Variants in TRPM3 observed in about 807,000 individuals in gnomAD.
TRPM3 encodes transient receptor potential cation channel subfamily M member 3.
Under a neutral mutation model 181.2 loss-of-function variants are expected in TRPM3, and 77 were observed. The observed-to-expected ratio is 0.42, with a 90% CI of 0.35 to 0.51. TRPM3 has a LOEUF of 0.51. TRPM3 is among the 20% of genes least tolerant of loss of function. The probability of loss-of-function intolerance (pLI) is 0.01; values close to 1 mark genes in which losing one functional copy is unlikely to be tolerated. For synonymous variants in TRPM3, 745 were observed against 796.4 expected, an observed-to-expected ratio of 0.94 and a Z score of 1.09; for missense variants, 1,759 against 2,196.7, an observed-to-expected ratio of 0.80 and a Z score of 3.98.
intron 9 of TRPM3, among the ~76,000 whole-genome samples, chr9:70,680,685 A>T (rs2065189308): frequency 6.6e-6 from 1 of 152,178 alleles, no homozygotes; most frequent in Admixed American, 6.5e-5. Context: ...CTAACTCAGA[A>T]CCACATTCAA....
intron 15 of TRPM3, among the ~76,000 whole-genome samples, chr9:70,620,789 C>T (rs2063500434): frequency 6.6e-6 from 1 of 151,908 alleles, no homozygotes; most frequent in Admixed American, 6.6e-5. Context: ...TAATTTATCT[C>T]AAGTTTCTGA....
intron 1 of TRPM3, among the ~76,000 whole-genome samples, chr9:70,887,396 G>C (rs2096108034): frequency 6.6e-6 from 1 of 152,090 alleles, no homozygotes; most frequent in South Asian, 2.1e-4. Flanking sequence ...CTCATCTAAA[G>C]TGTTAATCAA....
intron 1 of TRPM3, among the ~76,000 whole-genome samples, chr9:70,870,237 C>CA (rs2095759404): frequency 2.6e-5 from 4 of 152,042 alleles, no homozygotes; most frequent in Admixed American, 2.6e-4. Context: ...CCTGAGCCAT[C>CA]TTTTTAGCCC....
chr9:70,741,758 C>T (rs1391525923), intron 8 of TRPM3, among the ~76,000 whole-genome samples: 2 of 152,082 alleles, frequency 1.3e-5, no homozygotes, highest in Admixed American at 6.6e-5. Context: ...TCTCTCATAA[C>T]TGGGAGCTAA....
Position 70,828,118 on chromosome 9 carries a change from G to T in TRPM3, c.802-100C>A, listed in dbSNP as rs1588929416. ...GGAAAGAGAGGAAGAAAGAACATCA[G>T]TTCTGTGGTACAGTGAAAGTACAGT... On this transcript the variant is annotated intron_variant, in intron 5 of 25. Transcript: ENST00000677713. The T allele has an allele frequency of 2.5e-6, 3 of 1,216,598 alleles. No individual in the cohort carries two copies. In the East Asian group the frequency reaches 7.0e-5, roughly 28 times the overall value. 75.4% of individuals were successfully genotyped at this position (1,216,598 alleles called of 1,614,324 possible).
intron 1 of TRPM3, among the ~76,000 whole-genome samples, chr9:70,968,320 C>T (rs1465198321): frequency 6.6e-6 from 1 of 152,070 alleles, no homozygotes; most frequent in African/African-American, 2.4e-5. Context: ...GTTTTTCATC[C>T]CATTTTGGCA....
At chr9:71,423,617 A>T (rs2093814816) in intron 1 of TRPM3, among the ~76,000 whole-genome samples, 1 of 152,156 alleles carries the variant, frequency 6.6e-6, no homozygotes, top group Non-Finnish European at 1.5e-5. Context: ...TTCTTCTAGA[A>T]AAACAAGAAA....
Position 70,552,754 on chromosome 9 carries a change from A to G in TRPM3, c.3574+90T>C, listed in dbSNP as rs2046779741. ...CTGCAGCCTGCAAGAGGTAGGAGGA[A>G]CTAGGTGGGCATGCGATTCTGCGTG... is the stretch of plus-strand genomic sequence containing the variant. On this transcript the variant is annotated intron_variant, in intron 24 of 25. Transcript: ENST00000677713. The G allele has an allele frequency of 2.2e-6, 3 of 1,351,246 alleles. No homozygotes were observed. The African/African-American group carries it at 4.3e-5, about 19-fold the overall frequency. The allele number at this position is 1,351,246 out of a possible 1,614,324, so 83.7% of individuals were successfully genotyped here. A position where few individuals can be genotyped will look rare whatever the true frequency, so the allele number is the denominator to read the frequency against.
Position 70,534,606 on chromosome 9 carries a change from C to T in TRPM3, c.*1347G>A, listed in dbSNP as rs2041351169. ...TGCTTTCTATTTTGGTCTACTGTAT[C>T]TTTTTTTATAGCTCTGTCTATAAGA... On this transcript the variant is annotated 3_prime_UTR_variant, in exon 26 of 26. Transcript: ENST00000677713. 2 of 152,006 alleles carry T rather than the reference C, an allele frequency of 1.3e-5. No homozygotes were observed. The highest frequency in any genetic ancestry group is 4.2e-4 in the South Asian group (2 of 4,810). 9.4% of individuals were successfully genotyped at this position (152,006 alleles called of 1,614,324 possible). A position where few individuals can be genotyped will look rare whatever the true frequency, so the allele number is the denominator to read the frequency against.
chr9:71,276,403 A>C (rs1205074962), intron 1 of TRPM3, among the ~76,000 whole-genome samples: 2 of 152,192 alleles, frequency 1.3e-5, no homozygotes, highest in African/African-American at 4.8e-5. Context: ...GGGAGTAAAA[A>C]TTTAAGCTAT....
upstream of TRPM3, chr9:71,121,637 C>CG (rs2073659888): frequency 8.5e-7 from 1 of 1,175,380 alleles, no homozygotes; most frequent in African/African-American, 1.6e-5. Context: ...CTCCCTCTCC[C>CG]GCTCTCCTCC....
intron 9 of TRPM3, among the ~76,000 whole-genome samples, chr9:70,661,877 T>G (rs2061181991): frequency 6.6e-6 from 1 of 152,116 alleles, no homozygotes; most frequent in South Asian, 2.1e-4. Context: ...TTCAATGCAA[T>G]TCCCATCAAA....
chr9:71,352,396 C>A (rs1180693905), intron 1 of TRPM3, among the ~76,000 whole-genome samples: 50 of 151,966 alleles, frequency 3.3e-4, no homozygotes, highest in Non-Finnish European at 1.5e-5. Context: ...TTATTTTTCC[C>A]TGGAAAGAAT....
intron 1 of TRPM3, among the ~76,000 whole-genome samples, chr9:70,935,742 G>C (rs1366422345): frequency 6.6e-6 from 1 of 152,154 alleles, no homozygotes; most frequent in Non-Finnish European, 1.5e-5. Flanking sequence ...ATAAGGCTTA[G>C]ACAAAATCTT....
exon 1 of TRPM3, chr9:71,446,687 G>A: frequency 6.4e-7 from 1 of 1,550,500 alleles, no homozygotes. Context: ...CGAGCGTTTG[G>A]TGGACCCCTG....
intron 1 of TRPM3, among the ~76,000 whole-genome samples, chr9:71,318,736 G>A (rs916950563): frequency 2.0e-5 from 3 of 152,116 alleles, no homozygotes; most frequent in Non-Finnish European, 2.9e-5. Context: ...TTTTCTTCTT[G>A]AGTCACTTAG....
At chr9:70,611,776 A>G (rs1438477730) in intron 18 of TRPM3, among the ~76,000 whole-genome samples, 2 of 152,180 alleles carry the variant, frequency 1.3e-5, no homozygotes, top group Non-Finnish European at 2.9e-5. Flanking sequence ...TGGGACTAGG[A>G]GAAGGATTCC....
At chr9:70,774,785 T>G (rs1285729953) in intron 7 of TRPM3, 1 of 152,178 alleles carries the variant, frequency 6.6e-6, no homozygotes, top group African/African-American at 2.4e-5. Flanking sequence ...GCATGGAATA[T>G]CCCAAGAAAA....
At chr9:70,975,742 T>A (rs1172166109) in intron 1 of TRPM3, among the ~76,000 whole-genome samples, 1 of 152,138 alleles carries the variant, frequency 6.6e-6, no homozygotes, top group East Asian at 1.9e-4. Context: ...TTCCTCTCAG[T>A]AGGCAGCATG....
Sources: gnomAD v4.1 joint callset for allele counts (sites outside exome capture counted in the v4.1 genomes callset) on GRCh38, gnomAD v4.1.1 for gene constraint, MANE v1.5 for transcripts, NCBI Gene and HGNC (gene_info 2026-07-23, HGNC 2026-07-21) for gene names.